Variants in WWP2 observed in about 807,000 individuals in gnomAD.
The protein encoded by WWP2 is NEDD4-like E3 ubiquitin-protein ligase WWP2.
WWP2 carries 57 observed loss-of-function variants against 121.0 expected under a neutral mutation model. The ratio of observed to expected loss-of-function variants is 0.47; its 90% CI spans 0.38 to 0.59. The LOEUF (loss-of-function observed/expected upper bound fraction) is 0.59. Ranked by LOEUF, WWP2 falls within the 20% of genes least tolerant of loss-of-function variation. WWP2 has a pLI of 0.00. For synonymous variants in WWP2, 449 were observed against 441.3 expected (o/e 1.02, Z -0.22); for missense variants, 962 against 1,158.9 (o/e 0.83, Z 2.47).
chr16:69,813,423 A>G (rs146359335), intron 4 of WWP2, among the ~76,000 whole-genome samples: 1,889 of 152,182 alleles, frequency 0.012, 37 homozygotes, highest in African/African-American at 0.043. Context: ...CGGCCTCCCA[A>G]AGTGCTGGGA....
At chr16:69,931,272 G>C (rs1555505218) in intron 14 of WWP2, 45 bp downstream of exon 14, 1 of 1,608,774 alleles carries the variant, frequency 6.2e-7, no homozygotes, top group Non-Finnish European at 8.5e-7. Flanking sequence ...GGGTTATTGA[G>C]TTATTTCAGT....
intron 1 of WWP2, among the ~76,000 whole-genome samples, chr16:69,764,531 G>A (rs1045779570): frequency 2.0e-5 from 3 of 152,154 alleles, no homozygotes; most frequent in Non-Finnish European, 2.9e-5. Context: ...GGAATAAAAA[G>A]TGTAACATTT....
At chr16:69,834,347 A>T (rs772098857) in intron 4 of WWP2, among the ~76,000 whole-genome samples, 1 of 151,860 alleles carries the variant, frequency 6.6e-6, no homozygotes, top group Non-Finnish European at 1.5e-5. Context: ...TCCTCCAGAT[A>T]CCCACGTGAC....
At chr16:69,842,300 A>AT (rs568700986) in intron 6 of WWP2, among the ~76,000 whole-genome samples, 180 bp downstream of exon 6, 79 of 149,684 alleles carry the variant, frequency 5.3e-4, no homozygotes, top group African/African-American at 1.8e-3. Flanking sequence ...ATCCTTATTT[A>AT]TTTTTTTTTT....
chr16:69,880,300 A>G (rs1410735415), intron 7 of WWP2, among the ~76,000 whole-genome samples: 3 of 152,056 alleles, frequency 2.0e-5, no homozygotes, highest in African/African-American at 7.2e-5. Context: ...ATCACTTTTA[A>G]CATTCTTACA....
At chr16:69,898,723 G>A (rs964350990) in intron 8 of WWP2, among the ~76,000 whole-genome samples, 1 of 151,618 alleles carries the variant, frequency 6.6e-6, no homozygotes, top group East Asian at 1.9e-4. Flanking sequence ...TTGTTTTTGA[G>A]ACGGAGTTTC....
At chr16:69,776,776 C>T (rs532188306) in intron 1 of WWP2, among the ~76,000 whole-genome samples, 3 of 150,798 alleles carry the variant, frequency 2.0e-5, no homozygotes, top group South Asian at 4.2e-4. Context: ...TGTGGTGAGC[C>T]GAGATTGTGC....
At chr16:69,924,592 T>G (rs904808) in intron 10 of WWP2, among the ~76,000 whole-genome samples, 34 of 151,720 alleles carry the variant, frequency 2.2e-4, no homozygotes, top group East Asian at 7.8e-4. Context: ...GGAGGGGGTG[T>G]GGGGGGGATT....
intron 1 of WWP2, among the ~76,000 whole-genome samples, chr16:69,774,317 G>A (rs1218349874): frequency 1.3e-5 from 2 of 151,714 alleles, no homozygotes; most frequent in Non-Finnish European, 2.9e-5. Flanking sequence ...GTGCAGTGGC[G>A]TGATCATAGC....
chr16:69,840,038 A>C, intron 4 of WWP2, 88 bp from the exon 5 acceptor site: 1 of 1,562,240 alleles, frequency 6.4e-7, no homozygotes, highest in South Asian at 1.2e-5. Flanking sequence ...GAAGCCAGCA[A>C]AGGTGAAATG....
At chr16:69,823,140 A>C (rs12927052) in intron 4 of WWP2, among the ~76,000 whole-genome samples, 1 of 151,786 alleles carries the variant, frequency 6.6e-6, no homozygotes, top group Admixed American at 6.6e-5. Flanking sequence ...CAAAAAAGAA[A>C]AAAGTAAAAA....
chr16:69,801,119 G>T (rs1457018087), intron 4 of WWP2, among the ~76,000 whole-genome samples: 1 of 148,394 alleles, frequency 6.7e-6, no homozygotes, highest in South Asian at 2.1e-4. Flanking sequence ...AACCCGGGAG[G>T]TGGAGGTTCC....
intron 7 of WWP2, among the ~76,000 whole-genome samples, chr16:69,887,662 T>TC (rs2057949479): frequency 6.6e-6 from 1 of 152,166 alleles, no homozygotes; most frequent in African/African-American, 2.4e-5. Context: ...TGCCTCAGCC[T>TC]CCCAAAGTGC....
chr16:69,912,305 AC>A (rs1818762422), intron 9 of WWP2, among the ~76,000 whole-genome samples: 8 of 151,566 alleles, frequency 5.3e-5, no homozygotes, highest in South Asian at 2.1e-4. Context: ...AAAAAACAAA[AC>A]AAAACCTCAT....
At chr16:69,864,855 G>A (rs1042613527) in intron 6 of WWP2, among the ~76,000 whole-genome samples, 7 of 151,774 alleles carry the variant, frequency 4.6e-5, no homozygotes, top group South Asian at 2.1e-4. Context: ...GAAGCAATCC[G>A]CCTGCCTCGG....
intron 9 of WWP2, among the ~76,000 whole-genome samples, chr16:69,915,655 G>T (rs145705062): frequency 3.3e-5 from 5 of 152,284 alleles, no homozygotes; most frequent in Admixed American, 6.5e-5. Flanking sequence ...GGTTGCCTTC[G>T]GGGAACAGGA....
intron 9 of WWP2, among the ~76,000 whole-genome samples, chr16:69,912,954 AAATATATATATATATAT>A (rs2058410497): frequency 5.7e-4 from 1 of 1,748 alleles, no homozygotes; most frequent in Non-Finnish European, 9.4e-4. Flanking sequence ...AAAAAAAAAA[AAATATATATATATATAT>A]ATATATATAT....
At chr16:69,909,640 C>A in intron 9 of WWP2, 1 of 985,400 alleles carries the variant, frequency 1.0e-6, no homozygotes, top group Non-Finnish European at 1.2e-6. Context: ...TCAGTACTCA[C>A]TGTGTTTTCC....
Position 69,937,767 on chromosome 16 carries a change from C to A in WWP2, c.2343+115C>A. On this transcript the variant is annotated intron_variant, in intron 21 of 23. Transcript: ENST00000359154. The surrounding 1 kb of genome is among the most constrained non-coding windows in gnomAD (Gnocchi z 6.6). ...CAGCTTTGGCCCTGTCCTTGCCTCC[C>A]ACACCTTGCAAAAGGAGACGATAGA... The A allele has an allele frequency of 1.1e-6, 1 of 938,652 alleles. No homozygotes were observed. The allele number at this position is 938,652 out of a possible 1,614,324, so 58.1% of individuals were successfully genotyped here.
Sources: allele counts gnomAD v4.1 joint callset (sites outside exome capture counted in the v4.1 genomes callset), GRCh38; gene constraint gnomAD v4.1.1; non-coding constraint Gnocchi (gnomAD v3.1); transcripts MANE v1.5; gene names NCBI Gene and HGNC (gene_info 2026-07-23, HGNC 2026-07-21).